The following SLC30A3 variants were observed in gnomAD, a reference collection of about 807,000 sequenced individuals.
SLC30A3 encodes solute carrier family 30 member 3, also known as probable proton-coupled zinc antiporter SLC30A3.
In SLC30A3, 20 loss-of-function variants were observed where a neutral mutation model predicts 35.6. The ratio of observed to expected loss-of-function variants is 0.56; its 90% CI spans 0.39 to 0.82. The LOEUF (loss-of-function observed/expected upper bound fraction) is 0.82, where lower values mean the gene tolerates loss of function less well. Among genes scored for constraint, SLC30A3 ranks in the 40% least tolerant of loss-of-function variants. The probability of loss-of-function intolerance (pLI) is 0.00; values close to 1 mark genes in which losing one functional copy is unlikely to be tolerated. For synonymous variants in SLC30A3, 217 were observed against 224.7 expected (o/e 0.97, Z 0.31); for missense variants, 401 against 530.6 (o/e 0.76, Z 2.40).
upstream of SLC30A3, chr2:27,275,680 G>A (rs1053814056): frequency 3.0e-5 from 5 of 165,724 alleles, no homozygotes; most frequent in Non-Finnish European, 6.6e-5. Flanking sequence ...CCTGCTCTCT[G>A]GGGTTCCGCT....
At position 27,255,664 on chromosome 2, in the gene SLC30A3, T is replaced by G. The variant is rs1676807084; in HGVS notation, c.1019-204A>C. On this transcript the variant is annotated intron_variant, in intron 7 of 7. Coordinates refer to ENST00000233535, the MANE Select transcript of SLC30A3 (RefSeq NM_003459.5). The surrounding 1 kb of genome is among the most constrained non-coding windows in gnomAD (Gnocchi z 5.2). Reference sequence around the variant, plus strand: ...ACCCCAATCAACCATGCTAACACACTAAACTCTTTCCAGTCTCCTATTCTC... The same window carrying G: ...ACCCCAATCAACCATGCTAACACACGAAACTCTTTCCAGTCTCCTATTCTC... The G allele has an allele frequency of 1.7e-6, 1 of 593,334 alleles. No individual in the cohort carries two copies. The highest frequency in any genetic ancestry group is 3.0e-6 in the Non-Finnish European group (1 of 337,098). The allele number at this position is 593,334 out of a possible 1,614,324, so 36.8% of individuals were successfully genotyped here.
In SLC30A3 at chr2:27,258,524, G is replaced by T; in HGVS notation, c.278-217C>A. On this transcript the variant is annotated intron_variant, in intron 2 of 7. Transcript: ENST00000233535. The surrounding 1 kb of genome is among the most constrained non-coding windows in gnomAD (Gnocchi z 4.0). ...ATTTATTTTAATAACAAGAAAATAG[G>T]GTTTTTAAAAGAAGTCAGCCCTGAC... is the stretch of plus-strand genomic sequence containing the variant. 2 of 655,104 alleles carry T rather than the reference G, an allele frequency of 3.1e-6. No individual in the cohort carries two copies. The highest frequency in any genetic ancestry group is 4.9e-6 in the Non-Finnish European group (2 of 404,794). 40.6% of individuals were successfully genotyped at this position (655,104 alleles called of 1,614,324 possible).
rs1677279957 is a variant in SLC30A3 at position 27,262,755 on chromosome 2, G to A, written c.95+57C>T. On this transcript the variant is annotated intron_variant, in intron 1 of 7. Transcript: ENST00000233535. The surrounding 1 kb of genome is among the most constrained non-coding windows in gnomAD (Gnocchi z 7.5). The stretch of plus-strand genomic sequence containing the variant: ...CCGCGCCGAGAGAGACAACGAAATG[G>A]ACGGAGGGTAGTAGGGTGGCGCCCC... 4 of 1,439,072 alleles carry A rather than the reference G, an allele frequency of 2.8e-6. No homozygotes were observed. The highest frequency in any genetic ancestry group is 3.3e-5 in the Admixed American group (1 of 30,538). The allele number at this position is 1,439,072 out of a possible 1,614,324, so 89.1% of individuals were successfully genotyped here.
chr2:27,263,077 C>G, upstream of SLC30A3: 3 of 1,349,948 alleles, frequency 2.2e-6, no homozygotes, highest in Non-Finnish European at 2.8e-6. Flanking sequence ...CTGCAGATCC[C>G]GCTGCCGCCG....
upstream of SLC30A3, among the ~76,000 whole-genome samples, chr2:27,264,490 A>G (rs1413295385): frequency 3.9e-5 from 6 of 152,160 alleles, no homozygotes; most frequent in Admixed American, 1.3e-4. The surrounding 1 kb of genome is among the most constrained non-coding windows in gnomAD (Gnocchi z 6.1). Context: ...CCGGCGGGGG[A>G]GAGTGTGGCT....
In SLC30A3 at chr2:27,256,480, C is replaced by T. The variant is rs145711564; in HGVS notation, c.924G>A (p.Thr308=). The part of the protein sequence containing the change: ...RNVGFEPVRD[T]LLSVPGVRAT... ...CCCGGACTCCTGGCACCGACAACAGCGTATCCCGCACAGGTTCGAACCCCA... is the reference window on the plus strand; with the variant it reads ...CCCGGACTCCTGGCACCGACAACAGTGTATCCCGCACAGGTTCGAACCCCA... The change falls in exon 7 of 8, where the codon ACG becomes ACA. Residue 308 remains threonine, a synonymous_variant. Coordinates refer to ENST00000233535, the MANE Select transcript of SLC30A3 (RefSeq NM_003459.5). 1.2e-5 allele frequency: 20 copies of T among 1,613,964 alleles called. No individual in the cohort carries two copies. In the Admixed American group the frequency reaches 1.3e-4, roughly 11 times the overall value.
At position 27,260,800 on chromosome 2, in the gene SLC30A3, C is replaced by T. The variant is rs552957102; in HGVS notation, c.96-1866G>A. 1.1e-4 allele frequency among the ~76,000 whole-genome samples: 17 copies of T among 152,180 alleles called. No homozygotes were observed. In the South Asian group the frequency reaches 3.5e-3, roughly 32 times the overall value. ...AGATTAATTTCTTGAATTTCCAAAG[C>T]CCCATCCAAGACTTAGAATCTGGGC... On this transcript the variant is annotated intron_variant, in intron 1 of 7. Coordinates refer to ENST00000233535, the MANE Select transcript of SLC30A3 (RefSeq NM_003459.5).
intron 1 of SLC30A3, among the ~76,000 whole-genome samples, chr2:27,273,476 G>C (rs1677823737): frequency 6.6e-6 from 1 of 151,770 alleles, no homozygotes; most frequent in Non-Finnish European, 1.5e-5. Flanking sequence ...GAAGAAATGA[G>C]CTGGTTTGTT....
At chr2:27,259,363 C>T (rs1173724043) in intron 1 of SLC30A3, among the ~76,000 whole-genome samples, 1 of 152,120 alleles carries the variant, frequency 6.6e-6, no homozygotes, top group Non-Finnish European at 1.5e-5. Flanking sequence ...TGTGGTGGCA[C>T]GTGCCTGTAA....
Position 27,258,032 on chromosome 2 carries a change from C to T in SLC30A3, c.451G>A (p.Val151Ile). ...SETLGALASV[V>I]SLWMVTGILL... ...ATGCCAGTGACCATCCAGAGGGAGA[C>T]CACAGAGGCCAAAGCCCCCAGAGTC... is the stretch of plus-strand genomic sequence containing the variant. Residue 151 changes from valine (V) to isoleucine (I), a missense_variant, in exon 4 of 8, where the codon GTC (valine) becomes ATC (isoleucine). Physicochemically the swap from Val to Ile is conservative, Grantham distance 29. This residue lies in a region of SLC30A3 where 296 missense variants were observed against 392.6 expected (regional missense o/e 0.75). Coordinates refer to ENST00000233535, the MANE Select transcript of SLC30A3 (RefSeq NM_003459.5). The surrounding 1 kb of genome is among the most constrained non-coding windows in gnomAD (Gnocchi z 4.0). The T allele has an allele frequency of 6.2e-7, 1 of 1,614,140 alleles. No homozygotes were observed. Among genetic ancestry groups the T allele is most frequent in the East Asian group, 2.2e-5 (1 of 44,878 alleles).
chr2:27,273,568 A>G (rs916790302), intron 1 of SLC30A3, among the ~76,000 whole-genome samples: 1 of 150,478 alleles, frequency 6.6e-6, no homozygotes, highest in African/African-American at 2.5e-5. Flanking sequence ...CCATAAAAAA[A>G]TTATCAGCTT....
chr2:27,267,666 G>A (rs1295525287), upstream of SLC30A3, among the ~76,000 whole-genome samples: 2 of 152,112 alleles, frequency 1.3e-5, no homozygotes, highest in African/African-American at 4.8e-5. Flanking sequence ...TGGATGCGGT[G>A]GCTCACGCCT....
chr2:27,258,187 G>A lies in SLC30A3; in HGVS notation c.398C>T (p.Thr133Ile). The A allele has an allele frequency of 6.3e-7, 1 of 1,598,250 alleles. No homozygotes were observed. Among genetic ancestry groups the A allele is most frequent in the South Asian group, 1.1e-5 (1 of 88,514 alleles). Residue 133 changes from threonine (T) to isoleucine (I), a missense_variant, in exon 3 of 8, where the codon ACC (threonine) becomes ATC (isoleucine). This residue lies in a region of SLC30A3 where 296 missense variants were observed against 392.6 expected (regional missense o/e 0.75). Coordinates refer to ENST00000233535, the MANE Select transcript of SLC30A3 (RefSeq NM_003459.5). The surrounding 1 kb of genome is among the most constrained non-coding windows in gnomAD (Gnocchi z 4.0). Reference protein sequence around the residue: ...LWLSTRPATRTMTFGWHRSET... With the variant: ...LWLSTRPATRIMTFGWHRSET... ...TGAACGGTGCCAGCCAAAGGTCATG[G>A]TGCGGGTGGCTGGACGGGTGGAGAG...
At position 27,257,971 on chromosome 2, in the gene SLC30A3, C is replaced by T; in HGVS notation, c.512G>A (p.Ser171Asn). 1 of 1,614,218 alleles carries T rather than the reference C, an allele frequency of 6.2e-7. No individual in the cohort carries two copies. The highest frequency in any genetic ancestry group is 1.7e-5 in the Admixed American group (1 of 60,030). The change falls in exon 4 of 8, where the codon AGC becomes AAC. Residue 171 changes from serine to asparagine, a missense_variant. Ser to Asn is a conservative substitution (Grantham distance 46). This residue lies in a region of SLC30A3 where 296 missense variants were observed against 392.6 expected (regional missense o/e 0.75). Transcript: ENST00000233535. The surrounding 1 kb of genome is among the most constrained non-coding windows in gnomAD (Gnocchi z 4.7). ...LYLAFVRLLH[S>N]DYHIEGGAML... ...GGCACCCCCCTCGATGTGGTAGTCG[C>T]TGTGCAGCAGGCGGACGAAGGCCAG...
chr2:27,262,478 G>A lies in SLC30A3; in HGVS notation c.95+334C>T, dbSNP rs947245358. 6.6e-6 allele frequency among the ~76,000 whole-genome samples: 1 copy of A among 151,988 alleles called. No individual in the cohort carries two copies. Among genetic ancestry groups the A allele is most frequent in the Non-Finnish European group, 1.5e-5 (1 of 67,972 alleles). ...GGGGCAATGCGGACCTTGGCGCACC[G>A]GGCGAGGGCTCCGGCCCGACCGAGC... On this transcript the variant is annotated intron_variant, in intron 1 of 7. Transcript: ENST00000233535. The surrounding 1 kb of genome is among the most constrained non-coding windows in gnomAD (Gnocchi z 7.5).
chr2:27,259,857 G>C (rs548785370), intron 1 of SLC30A3, among the ~76,000 whole-genome samples: 2 of 152,136 alleles, frequency 1.3e-5, no homozygotes, highest in African/African-American at 2.4e-5. Flanking sequence ...CAATGATATA[G>C]AGCGAAGGTG....
chr2:27,274,761 C>A (rs1404466956), intron 1 of SLC30A3, among the ~76,000 whole-genome samples: 1 of 151,812 alleles, frequency 6.6e-6, no homozygotes, highest in African/African-American at 2.4e-5. Context: ...AAAAATTAGA[C>A]ATTTGTTCAA....
At chr2:27,264,180 G>A, upstream of SLC30A3, 1 of 638,618 alleles carries the variant, frequency 1.6e-6, no homozygotes, top group Non-Finnish European at 2.5e-6. This position sits in a 1 kb window ranked among gnomAD's most constrained non-coding sequence, Gnocchi z 6.1. Flanking sequence ...GAGTGAGCAG[G>A]GATGGGGAAG....
chr2:27,263,247 A>C, upstream of SLC30A3: 4 of 524,652 alleles, frequency 7.6e-6, no homozygotes, highest in Non-Finnish European at 1.3e-5. Context: ...CCTCATCTCC[A>C]CAGCCCCGTC....
Sources: gnomAD v4.1 joint callset for allele counts (sites outside exome capture counted in the v4.1 genomes callset) on GRCh38, gnomAD v4.1.1 for gene constraint, gnomAD v4.1.1 regional missense constraint, Gnocchi (gnomAD v3.1) non-coding constraint, MANE v1.5 for transcripts, NCBI Gene and HGNC (gene_info 2026-07-23, HGNC 2026-07-21) for gene names.